Variants in KCTD8 observed in about 807,000 individuals in gnomAD.
KCTD8 encodes potassium channel tetramerization domain containing 8, also known as BTB/POZ domain-containing protein KCTD8.
In KCTD8, 27 loss-of-function variants were observed where a neutral mutation model predicts 31.5. The ratio of observed to expected loss-of-function variants is 0.86; its 90% CI spans 0.63 to 1.18. The LOEUF (loss-of-function observed/expected upper bound fraction) is 1.18. Ranked by LOEUF, KCTD8 falls within the 50% of genes most tolerant of loss-of-function variation. The pLI is 0.00. For synonymous variants in KCTD8, 290 were observed against 280.0 expected, an observed-to-expected ratio of 1.04 and a Z score of -0.36; for missense variants, 658 against 647.7, an observed-to-expected ratio of 1.02 and a Z score of -0.17.
At chr4:44,437,486 C>T (rs1022832397) in intron 1 of KCTD8, among the ~76,000 whole-genome samples, 9 of 151,990 alleles carry the variant, frequency 5.9e-5, no homozygotes, top group Non-Finnish European at 1.3e-4. Context: ...TGATTCAGTA[C>T]CTTAAAATTA....
rs1022027412 is a variant in KCTD8 at position 44,447,789 on chromosome 4, C to T, written c.735G>A (p.Lys245=). 2.5e-6 allele frequency: 4 copies of T among 1,608,396 alleles called. No individual in the cohort carries two copies. Among genetic ancestry groups the T allele is most frequent in the Non-Finnish European group, 3.4e-6 (4 of 1,176,790 alleles). The change falls in exon 1 of 2, where the codon AAG becomes AAA. Residue 245 remains lysine, a synonymous_variant. Transcript: ENST00000360029. ...IMVCGRIALA[K]EVFGDTLNES... The stretch of plus-strand genomic sequence containing the variant: ...CGTTGAGCGTGTCCCCGAAGACCTC[C>T]TTGGCCAGCGCGATGCGCCCGCACA...
chr4:44,181,086 A>G (rs1713369141), intron 1 of KCTD8, among the ~76,000 whole-genome samples: 2 of 152,016 alleles, frequency 1.3e-5, no homozygotes, highest in African/African-American at 4.8e-5. Flanking sequence ...AAAGAATGAT[A>G]CTTAAGGCCG....
At position 44,174,597 on chromosome 4, in the gene KCTD8, AT is replaced by A. The variant is rs778311574; in HGVS notation, c.*192del. ...TTGATTTAACACTTATTGATTTAATATTTTTTCCTTTTTAATCATGTTTCTA... is the reference window on the plus strand; with the variant it reads ...TTGATTTAACACTTATTGATTTAATATTTTTCCTTTTTAATCATGTTTCTA... On this transcript the variant is annotated 3_prime_UTR_variant, in exon 2 of 2. Transcript: ENST00000360029. 4 of 479,334 alleles carry A rather than the reference AT, an allele frequency of 8.3e-6. No homozygotes were observed. The highest frequency in any genetic ancestry group is 1.5e-5 in the Non-Finnish European group (4 of 275,320). 29.7% of individuals were successfully genotyped at this position (479,334 alleles called of 1,614,324 possible). A position where few individuals can be genotyped will look rare whatever the true frequency, so the allele number is the denominator to read the frequency against.
At chr4:44,313,504 C>G (rs1718014711) in intron 1 of KCTD8, among the ~76,000 whole-genome samples, 1 of 152,140 alleles carries the variant, frequency 6.6e-6, no homozygotes, top group South Asian at 2.1e-4. Context: ...TCACAATAAA[C>G]TCCTCAATGA....
chr4:44,302,654 T>C (rs1717664604), intron 1 of KCTD8, among the ~76,000 whole-genome samples: 1 of 152,032 alleles, frequency 6.6e-6, no homozygotes, highest in African/African-American at 2.4e-5. Flanking sequence ...TACAATCATG[T>C]CGTCTGCAAA....
chr4:44,218,467 C>A (rs1714714281), intron 1 of KCTD8, among the ~76,000 whole-genome samples: 1 of 151,504 alleles, frequency 6.6e-6, no homozygotes, highest in Non-Finnish European at 1.5e-5. Context: ...TAGATTGTAA[C>A]TCAAAGGATA....
intron 1 of KCTD8, among the ~76,000 whole-genome samples, chr4:44,295,534 T>TAA (rs1486047456): frequency 7.8e-5 from 2 of 25,768 alleles, no homozygotes; most frequent in East Asian, 0.067. Context: ...ATATTTAAGA[T>TAA]AAACATTTTA....
chr4:44,447,766 T>C lies in KCTD8; in HGVS notation c.758A>G (p.Asn253Ser), dbSNP rs752228283. 6.2e-7 allele frequency: 1 copy of C among 1,611,642 alleles called. No homozygotes were observed. The change falls in exon 1 of 2, where the codon AAC becomes AGC. Residue 253 changes from asparagine (N) to serine (S), a missense_variant. By Grantham distance (46) the Asn-to-Ser change is conservative. Transcript: ENST00000360029. Reference sequence around the variant, plus strand: ...CTGCCGGTCGGGGTCGCGGCTCTCGTTGAGCGTGTCCCCGAAGACCTCCTT... The same window carrying C: ...CTGCCGGTCGGGGTCGCGGCTCTCGCTGAGCGTGTCCCCGAAGACCTCCTT... ...LAKEVFGDTLNESRDPDRQPE... is the reference protein window; with the variant it reads ...LAKEVFGDTLSESRDPDRQPE...
intron 1 of KCTD8, among the ~76,000 whole-genome samples, chr4:44,380,907 C>T (rs1441876306): frequency 6.6e-6 from 1 of 151,890 alleles, no homozygotes; most frequent in African/African-American, 2.4e-5. Flanking sequence ...CAAAGTGAAA[C>T]CTTCCTTTAA....
At chr4:44,289,410 T>C (rs551630765) in intron 1 of KCTD8, among the ~76,000 whole-genome samples, 4 of 152,162 alleles carry the variant, frequency 2.6e-5, no homozygotes, top group Non-Finnish European at 5.9e-5. Context: ...CTTACTTATC[T>C]ATTATTAAAG....
chr4:44,181,649 G>T (rs1252724729), intron 1 of KCTD8, among the ~76,000 whole-genome samples: 1 of 152,200 alleles, frequency 6.6e-6, no homozygotes, highest in African/African-American at 2.4e-5. Flanking sequence ...CGAGATTGCA[G>T]CCTCTGCCCC....
chr4:44,203,943 T>TA lies in KCTD8; in HGVS notation c.962-28694dup, dbSNP rs908485999. Among the ~76,000 whole-genome samples the TA allele has an allele frequency of 8.1e-4, 122 of 151,344 alleles. 2 individuals carry two copies. Among genetic ancestry groups the TA allele is most frequent in the African/African-American group, 2.7e-3 (110 of 41,414 alleles). ...GAGAAATAATTTCAAGATTTAGTAA[T>TA]AAAAAAAAGCATGTGCAAATGCCTT... On this transcript the variant is annotated intron_variant, in intron 1 of 1. Coordinates refer to ENST00000360029, the MANE Select transcript of KCTD8 (RefSeq NM_198353.3).
intron 1 of KCTD8, among the ~76,000 whole-genome samples, chr4:44,284,443 C>T (rs544851546): frequency 1.3e-5 from 2 of 152,246 alleles, no homozygotes; most frequent in Non-Finnish European, 2.9e-5. Flanking sequence ...AACTGGACCC[C>T]TTTCTTACAC....
intron 1 of KCTD8, among the ~76,000 whole-genome samples, chr4:44,375,058 A>G (rs1245991033): frequency 2.0e-5 from 3 of 152,218 alleles, no homozygotes; most frequent in African/African-American, 7.2e-5. Flanking sequence ...TTAAAGTATT[A>G]TGACATTCAT....
intron 1 of KCTD8, among the ~76,000 whole-genome samples, chr4:44,371,535 G>A (rs914194655): frequency 2.2e-4 from 33 of 152,238 alleles, no homozygotes; most frequent in African/African-American, 7.2e-4. Context: ...ATAGGTAGTC[G>A]TTAAAAGTAT....
chr4:44,442,480 G>A (rs375872032), intron 1 of KCTD8, among the ~76,000 whole-genome samples: 1 of 151,958 alleles, frequency 6.6e-6, no homozygotes, highest in Non-Finnish European at 1.5e-5. Flanking sequence ...CCAGCTACTC[G>A]GGAGGCCGAG....
At chr4:44,392,257 G>C (rs1044245078) in intron 1 of KCTD8, among the ~76,000 whole-genome samples, 1 of 151,954 alleles carries the variant, frequency 6.6e-6, no homozygotes, top group Admixed American at 6.6e-5. Context: ...GAATGTAGGA[G>C]ATAGAATTAG....
chr4:44,375,906 C>A (rs1719904752), intron 1 of KCTD8, among the ~76,000 whole-genome samples: 1 of 152,060 alleles, frequency 6.6e-6, no homozygotes, highest in Non-Finnish European at 1.5e-5. Flanking sequence ...TTTGTTTTCA[C>A]AACTCAGCAA....
At chr4:44,327,048 G>T (rs934880836) in intron 1 of KCTD8, among the ~76,000 whole-genome samples, 13 of 151,984 alleles carry the variant, frequency 8.6e-5, no homozygotes, top group Admixed American at 6.6e-4. Context: ...AGGAAGATTT[G>T]TTCCTGTAAT....
Sources: gnomAD v4.1 joint callset for allele counts (sites outside exome capture counted in the v4.1 genomes callset) on GRCh38, gnomAD v4.1.1 for gene constraint, MANE v1.5 for transcripts, NCBI Gene and HGNC (gene_info 2026-07-23, HGNC 2026-07-21) for gene names.